Variants in C4orf36 observed in about 807,000 individuals in gnomAD.
C4orf36 encodes chromosome 4 open reading frame 36, also known as uncharacterized protein C4orf36.
Under a neutral mutation model 12.2 loss-of-function variants are expected in C4orf36, and 11 were observed. The observed-to-expected ratio is 0.90, with a 90% CI of 0.57 to 1.49. C4orf36 has a LOEUF of 1.49. Ranked by LOEUF, C4orf36 falls within the 40% of genes most tolerant of loss-of-function variation. The pLI is 0.00. For missense variants in C4orf36, 137 were observed against 133.9 expected (o/e 1.02, Z -0.11); for synonymous variants, 54 against 51.3 (o/e 1.05, Z -0.22).
chr4:86,886,224 A>C (rs1184094977), intron 4 of C4orf36, among the ~76,000 whole-genome samples: 1 of 152,210 alleles, frequency 6.6e-6, no homozygotes, highest in Non-Finnish European at 1.5e-5. Flanking sequence ...AAAATGAGTT[A>C]GGGAGGATAC....
At chr4:86,923,087 C>CT in the C4orf36 span, among the ~76,000 whole-genome samples, 3,400 of 134,744 alleles carry the variant, frequency 0.025, 122 homozygotes, top group African/African-American at 0.079. Context: ...ATCCAGCTGC[C>CT]TTTTTTTTTT....
chr4:86,913,643 A>G, the C4orf36 span: 3 of 1,578,012 alleles, frequency 1.9e-6, no homozygotes, highest in Non-Finnish European at 2.6e-6. Context: ...AGACCTGCAC[A>G]CTTTTTGAGG....
chr4:86,887,068 A>G (rs1424938775), intron 4 of C4orf36: 2 of 150,060 alleles, frequency 1.3e-5, no homozygotes, highest in Non-Finnish European at 3.0e-5. Context: ...AAAAATGAGA[A>G]CACTTGGACA....
chr4:86,891,445 A>T lies in C4orf36; in HGVS notation c.65+11T>A, dbSNP rs768176562. On this transcript the variant is annotated intron_variant, in intron 2 of 4. Transcript: ENST00000295898. ...GCTTACCCTGATTTAAAAAAAAAAA[A>T]TAGTACTTACACATTATAACAACTG... 2 of 1,596,960 alleles carry T rather than the reference A, an allele frequency of 1.3e-6. No individual in the cohort carries two copies. The highest frequency in any genetic ancestry group is 1.7e-6 in the Non-Finnish European group (2 of 1,171,800).
the C4orf36 span, among the ~76,000 whole-genome samples, chr4:86,930,847 GAC>G: frequency 6.6e-6 from 1 of 152,168 alleles, no homozygotes; most frequent in African/African-American, 2.4e-5. Context: ...ACAAAATACA[GAC>G]AGTTATTTTA....
the C4orf36 span, chr4:86,932,162 C>T: frequency 6.6e-6 from 1 of 151,452 alleles, no homozygotes; most frequent in African/African-American, 2.4e-5. Flanking sequence ...GCCTGACCAA[C>T]ATGGAGAAAC....
intron 4 of C4orf36, among the ~76,000 whole-genome samples, chr4:86,880,369 G>T (rs929271861): frequency 2.0e-5 from 3 of 152,188 alleles, no homozygotes; most frequent in African/African-American, 4.8e-5. Flanking sequence ...GCAGAGAATT[G>T]CTTGAGCCCA....
the C4orf36 span, among the ~76,000 whole-genome samples, chr4:86,927,786 C>T: frequency 2.4e-5 from 3 of 124,770 alleles, no homozygotes; most frequent in African/African-American, 5.8e-5. Flanking sequence ...GCAACAAGAG[C>T]GAGGCTCCAT....
the C4orf36 span, among the ~76,000 whole-genome samples, chr4:86,912,711 T>TAC: frequency 6.6e-6 from 1 of 152,184 alleles, no homozygotes; most frequent in Non-Finnish European, 1.5e-5. Flanking sequence ...TGTGCATGTA[T>TAC]ACACACACAC....
the C4orf36 span, among the ~76,000 whole-genome samples, chr4:86,904,887 G>T: frequency 6.6e-6 from 1 of 152,080 alleles, no homozygotes; most frequent in African/African-American, 2.4e-5. Context: ...ATTCGTTGAA[G>T]CCCTAACCCC....
intron 4 of C4orf36, among the ~76,000 whole-genome samples, chr4:86,877,470 A>C (rs1221034713): frequency 6.6e-6 from 1 of 152,240 alleles, no homozygotes; most frequent in Admixed American, 6.5e-5. Context: ...TGGTTGGCAG[A>C]TCAGAGTCTT....
At chr4:86,884,543 G>A (rs748218817) in intron 4 of C4orf36, among the ~76,000 whole-genome samples, 6 of 151,872 alleles carry the variant, frequency 4.0e-5, no homozygotes, top group East Asian at 1.9e-4. Context: ...GGGCCCAAGC[G>A]AGTCTCCCAC....
intron 1 of C4orf36, 67 bp downstream of exon 1, chr4:86,892,116 G>A: frequency 1.0e-6 from 1 of 985,476 alleles, no homozygotes; most frequent in Non-Finnish European, 1.2e-6. Flanking sequence ...CGGGACGGGT[G>A]GGGGCCTCGG....
At chr4:86,905,220 A>C in the C4orf36 span, among the ~76,000 whole-genome samples, 1 of 147,954 alleles carries the variant, frequency 6.8e-6, no homozygotes, top group South Asian at 2.1e-4. Flanking sequence ...TAAAAATACA[A>C]AAAAAAAAAA....
chr4:86,919,847 C>T, the C4orf36 span, among the ~76,000 whole-genome samples: 4 of 152,044 alleles, frequency 2.6e-5, no homozygotes, highest in Non-Finnish European at 5.9e-5. Flanking sequence ...CAAGCCTGGG[C>T]AGCAAAGTGA....
At chr4:86,879,544 A>G (rs1746998893) in intron 4 of C4orf36, among the ~76,000 whole-genome samples, 1 of 152,176 alleles carries the variant, frequency 6.6e-6, no homozygotes, top group African/African-American at 2.4e-5. Context: ...ATACTTATAG[A>G]ACACCATCAA....
the C4orf36 span, among the ~76,000 whole-genome samples, chr4:86,906,923 C>T: frequency 6.6e-6 from 1 of 151,900 alleles, no homozygotes; most frequent in East Asian, 1.9e-4. Context: ...ACCTGTAATC[C>T]CAACTACTAG....
chr4:86,892,523 G>T, upstream of C4orf36: 1 of 947,164 alleles, frequency 1.1e-6, no homozygotes, highest in Non-Finnish European at 1.3e-6. Context: ...CGCCCCGCGG[G>T]GTCCGCTCTC....
At chr4:86,876,685 A>G (rs1746935806) in intron 4 of C4orf36, 10 of 1,611,242 alleles carry the variant, frequency 6.2e-6, no homozygotes, top group South Asian at 2.2e-5. Flanking sequence ...CTGAAATTGT[A>G]TGGTGAAGCT....
Sources: gnomAD v4.1 joint callset for allele counts (sites outside exome capture counted in the v4.1 genomes callset) on GRCh38, gnomAD v4.1.1 for gene constraint, MANE v1.5 for transcripts, NCBI Gene and HGNC (gene_info 2026-07-23, HGNC 2026-07-21) for gene names.